Variants in SERPINB7 observed in about 807,000 individuals in gnomAD.
SERPINB7 encodes serpin family B member 7, also known as serpin B7.
SERPINB7 carries 31 observed loss-of-function variants against 37.4 expected under a neutral mutation model. The ratio of observed to expected loss-of-function variants is 0.83; its 90% CI spans 0.62 to 1.12. SERPINB7 has a LOEUF of 1.12. SERPINB7 is among the 50% of genes most tolerant of loss of function. The pLI, the probability that SERPINB7 is intolerant of heterozygous loss-of-function variation, is 0.00. For missense variants in SERPINB7, 521 were observed against 455.3 expected, an observed-to-expected ratio of 1.14 and a Z score of -1.31; for synonymous variants, 163 against 166.1, an observed-to-expected ratio of 0.98 and a Z score of 0.14.
intron 2 of SERPINB7, among the ~76,000 whole-genome samples, chr18:63,786,263 G>A (rs569687226): frequency 4.4e-5 from 6 of 136,912 alleles, no homozygotes; most frequent in Non-Finnish European, 9.1e-5. Flanking sequence ...CATTTCCTTT[G>A]AAATGCATTA....
intron 1 of SERPINB7, among the ~76,000 whole-genome samples, chr18:63,780,689 GAT>G (rs1476193863): frequency 3.9e-5 from 6 of 152,176 alleles, no homozygotes; most frequent in African/African-American, 1.4e-4. Flanking sequence ...TTAGAGTAAA[GAT>G]ATGTGGGGTG....
chr18:63,770,873 G>GCACACACACACACACACA (rs10634962), upstream of SERPINB7, among the ~76,000 whole-genome samples: 18 of 148,934 alleles, frequency 1.2e-4, no homozygotes, highest in East Asian at 4.0e-4. Context: ...GTCTGCACAT[G>GCACACACACACACACACA]CACACACACA....
At chr18:63,753,957 A>G (rs987241827) in intron 1 of SERPINB7, among the ~76,000 whole-genome samples, 1 of 152,184 alleles carries the variant, frequency 6.6e-6, no homozygotes, top group African/African-American at 2.4e-5. Flanking sequence ...TTTTGCCCTC[A>G]ATATAAACAA....
rs780703038 is a variant in SERPINB7 at position 63,798,672 on chromosome 18, G to C, written c.523G>C (p.Val175Leu). The C allele has an allele frequency of 1.9e-6, 3 of 1,612,502 alleles. No individual in the cohort carries two copies. In the African/African-American group the frequency reaches 4.0e-5, roughly 22 times the overall value. ...SSAVMVLVNA[V>L]YFKGKWQSAF... ...TGCTGTAATGGTGCTGGTGAATGCT[G>C]TGTACTTCAAAGGCAAGTGGCAATC... The change falls in exon 6 of 8, where the codon GTG (valine) becomes CTG (leucine). Residue 175 changes from valine (V) to leucine (L), a missense_variant. Coordinates refer to ENST00000398019, the MANE Select transcript of SERPINB7 (RefSeq NM_003784.4).
At chr18:63,772,469 C>G (rs1447455553), upstream of SERPINB7, among the ~76,000 whole-genome samples, 1 of 152,126 alleles carries the variant, frequency 6.6e-6, no homozygotes, top group Admixed American at 6.6e-5. Context: ...GCCACTGAAA[C>G]TGGTCAAGGT....
chr18:63,782,948 C>T (rs1010117501), intron 2 of SERPINB7, among the ~76,000 whole-genome samples: 7 of 151,734 alleles, frequency 4.6e-5, no homozygotes, highest in Non-Finnish European at 1.0e-4. Context: ...ACCATCCTGG[C>T]TAACACGGTG....
chr18:63,770,873 G>GCGCA (rs1555692942), upstream of SERPINB7, among the ~76,000 whole-genome samples: 1 of 148,834 alleles, frequency 6.7e-6, no homozygotes, highest in Admixed American at 6.7e-5. Flanking sequence ...GTCTGCACAT[G>GCGCA]CACACACACA....
Position 63,804,621 on chromosome 18 carries a change from G to A in SERPINB7, c.1129G>A (p.Val377Ile). 2 of 1,607,258 alleles carry A rather than the reference G, an allele frequency of 1.2e-6. No individual in the cohort carries two copies. The highest frequency in any genetic ancestry group is 8.5e-7 in the Non-Finnish European group (1 of 1,176,186). Residue 377 changes from valine to isoleucine, a missense_variant, in exon 8 of 8, where the codon GTT (valine) becomes ATT (isoleucine). Val to Ile is a conservative substitution (Grantham distance 29). Coordinates refer to ENST00000398019, the MANE Select transcript of SERPINB7 (RefSeq NM_003784.4). ...TGACATCATCTTATTCAGTGGCAAA[G>A]TTTCTTGCCCTTGAAAATCCAATTG... ...KDDIILFSGK[V>I]SCP
At chr18:63,779,348 A>G (rs1440248388) in intron 1 of SERPINB7, among the ~76,000 whole-genome samples, 3 of 152,210 alleles carry the variant, frequency 2.0e-5, no homozygotes, top group Non-Finnish European at 4.4e-5. Flanking sequence ...AGTCTTAAAT[A>G]TAATTGTTTA....
intron 1 of SERPINB7, among the ~76,000 whole-genome samples, chr18:63,779,629 C>T (rs990151595): frequency 5.3e-5 from 8 of 151,324 alleles, no homozygotes; most frequent in Non-Finnish European, 7.4e-5. Context: ...GTTTCTCTGT[C>T]GTGATTTTTT....
At chr18:63,785,614 A>G (rs2049355900) in intron 2 of SERPINB7, among the ~76,000 whole-genome samples, 1 of 151,964 alleles carries the variant, frequency 6.6e-6, no homozygotes, top group Non-Finnish European at 1.5e-5. Flanking sequence ...CTTGAGGTTC[A>G]ATGCAGTTGA....
chr18:63,755,027 G>GTAGC (rs1431379183), intron 1 of SERPINB7, among the ~76,000 whole-genome samples: 5 of 151,776 alleles, frequency 3.3e-5, no homozygotes, highest in Non-Finnish European at 7.4e-5. Flanking sequence ...AGCCTCCCGA[G>GTAGC]TAGCTGGGAC....
At chr18:63,761,125 G>A (rs1047948467) in intron 1 of SERPINB7, among the ~76,000 whole-genome samples, 3 of 152,214 alleles carry the variant, frequency 2.0e-5, no homozygotes, top group Non-Finnish European at 4.4e-5. Context: ...GCTGTATCCT[G>A]CAAAGCCACA....
chr18:63,777,381 G>A (rs1326510637), intron 1 of SERPINB7, among the ~76,000 whole-genome samples: 1 of 152,010 alleles, frequency 6.6e-6, no homozygotes, highest in African/African-American at 2.4e-5. Flanking sequence ...TATTCCAGGT[G>A]GGGCTCGGTC....
rs1389479052 is a variant in SERPINB7, at chr18:63,780,358, TA to T, written c.-18-1995del. ...TTCATATATTTAATTGTAAACTTGT[TA>T]ATTTTGATCTTATTTTTTCATATTT... is the stretch of plus-strand genomic sequence containing the variant. On this transcript the variant is annotated intron_variant, in intron 1 of 7. Coordinates refer to ENST00000398019, the MANE Select transcript of SERPINB7 (RefSeq NM_003784.4). 2.0e-5 allele frequency among the ~76,000 whole-genome samples: 3 copies of T among 152,214 alleles called. No homozygotes were observed. The East Asian group carries it at 5.8e-4, about 29-fold the overall frequency.
At chr18:63,763,871 C>G (rs141560595) in intron 1 of SERPINB7, among the ~76,000 whole-genome samples, 1 of 152,294 alleles carries the variant, frequency 6.6e-6, no homozygotes, top group Non-Finnish European at 1.5e-5. Context: ...TAAATCCTAA[C>G]ATTTCACCAT....
At chr18:63,782,920 C>T (rs1489955605) in intron 2 of SERPINB7, among the ~76,000 whole-genome samples, 1 of 151,740 alleles carries the variant, frequency 6.6e-6, no homozygotes, top group Non-Finnish European at 1.5e-5. Context: ...GGGCGGATCA[C>T]GAGGTCAGGA....
chr18:63,787,321 A>C (rs1034818915), intron 2 of SERPINB7, among the ~76,000 whole-genome samples: 3 of 152,166 alleles, frequency 2.0e-5, no homozygotes, highest in Non-Finnish European at 4.4e-5. Context: ...TAAAGATAAA[A>C]ACAGATATGT....
intron 7 of SERPINB7, among the ~76,000 whole-genome samples, chr18:63,801,954 T>G (rs1007996400): frequency 1.3e-5 from 2 of 152,170 alleles, no homozygotes; most frequent in Non-Finnish European, 1.5e-5. Context: ...AATCATGTGG[T>G]CTTTCATTAG....
Sources: allele counts gnomAD v4.1 joint callset (sites outside exome capture counted in the v4.1 genomes callset), GRCh38; gene constraint gnomAD v4.1.1; transcripts MANE v1.5; gene names NCBI Gene and HGNC (gene_info 2026-07-23, HGNC 2026-07-21).